Variants in MAP1LC3A observed in about 807,000 individuals in gnomAD.
MAP1LC3A encodes microtubule-associated protein 1 light chain 3 alpha.
A neutral mutation model predicts 15.2 loss-of-function variants in MAP1LC3A; 10 were observed. The observed-to-expected ratio is 0.66, with a 90% CI of 0.41 to 1.12. The LOEUF is 1.12. MAP1LC3A is among the 50% of genes most tolerant of loss of function. The pLI is 0.00. For missense variants in MAP1LC3A, 138 were observed against 167.3 expected, an observed-to-expected ratio of 0.82 and a Z score of 0.97; for synonymous variants, 63 against 64.3, an observed-to-expected ratio of 0.98 and a Z score of 0.10.
rs117582166 is a variant in MAP1LC3A, at chr20:34,552,208, C to T, written c.52+2179C>T. ...AGACGGGGTTTCGCCAGGTTGGCCA[C>T]GCTGGTCTCAAATTCCTGACCTCAG... On this transcript the variant is annotated intron_variant, in intron 2 of 4. Transcript: ENST00000374837. 7.9e-5 allele frequency among the ~76,000 whole-genome samples: 12 copies of T among 152,262 alleles called. No individual in the cohort carries two copies. In the East Asian group the frequency reaches 2.1e-3, roughly 27 times the overall value.
chr20:34,559,224 G>A lies in MAP1LC3A; in HGVS notation c.57G>A (p.Glu19=), dbSNP rs773747376. 3 of 1,604,170 alleles carry A rather than the reference G, an allele frequency of 1.9e-6. No homozygotes were observed. The South Asian group carries it at 3.3e-5, about 18-fold the overall frequency. Residue 19 remains glutamate (E), a synonymous_variant, in exon 2 of 4, where the codon GAG becomes GAA. Transcript: ENST00000360668. Reference sequence around the variant, plus strand: ...TGTCCGCAGCCGACCGCTGTAAGGAGGTACAGCAGATCCGCGACCAGCACC... The same window carrying A: ...TGTCCGCAGCCGACCGCTGTAAGGAAGTACAGCAGATCCGCGACCAGCACC... ...QRRSFADRCK[E]VQQIRDQHPS...
chr20:34,549,079 G>A (rs1981849702), intron 1 of MAP1LC3A, among the ~76,000 whole-genome samples: 1 of 151,842 alleles, frequency 6.6e-6, no homozygotes, highest in Non-Finnish European at 1.5e-5. Context: ...AGGCTAGAGG[G>A]CAGTGGTGCA....
intron 2 of MAP1LC3A, among the ~76,000 whole-genome samples, chr20:34,552,056 TG>T (rs1018729105): frequency 4.6e-5 from 7 of 152,120 alleles, no homozygotes; most frequent in African/African-American, 1.7e-4. Context: ...TAGAGTGCAG[TG>T]TGCGATCTCG....
chr20:34,558,973 G>A lies in MAP1LC3A; in HGVS notation c.40+65G>A. ...GTGCCGGCCGACCCCGACTGCCGCA[G>A]GTGACGTCAGCCCCGTGACGTCAGG... is the stretch of plus-strand genomic sequence containing the variant. On this transcript the variant is annotated intron_variant, in intron 1 of 3. Transcript: ENST00000360668. The surrounding 1 kb of genome is among the most constrained non-coding windows in gnomAD (Gnocchi z 4.3). 5 of 1,344,018 alleles carry A rather than the reference G, an allele frequency of 3.7e-6. No homozygotes were observed. The highest frequency in any genetic ancestry group is 3.1e-5 in the East Asian group (1 of 31,928). 83.3% of individuals were successfully genotyped at this position (1,344,018 alleles called of 1,614,324 possible).
chr20:34,551,467 CTT>C (rs58191574), intron 2 of MAP1LC3A, among the ~76,000 whole-genome samples: 21 of 104,796 alleles, frequency 2.0e-4, no homozygotes, highest in Admixed American at 1.2e-3. Context: ...GAACGCTGTC[CTT>C]TTTTTTTTTT....
chr20:34,558,227 C>T, upstream of MAP1LC3A: 3 of 979,582 alleles, frequency 3.1e-6, no homozygotes, highest in Non-Finnish European at 3.6e-6. This position sits in a 1 kb window ranked among gnomAD's most constrained non-coding sequence, Gnocchi z 4.3. Flanking sequence ...ATTTCGATGG[C>T]TCTACTTTTC....
chr20:34,559,421 T>C lies in MAP1LC3A; in HGVS notation c.171T>C (p.His57=), dbSNP rs1373281018. 4 of 1,594,052 alleles carry C rather than the reference T, an allele frequency of 2.5e-6. No individual in the cohort carries two copies. The Admixed American group carries it at 6.8e-5, about 27-fold the overall frequency. The change falls in exon 3 of 4, where the codon CAT becomes CAC. Residue 57 remains histidine (H), a synonymous_variant. Coordinates refer to ENST00000360668, the MANE Select transcript of MAP1LC3A (RefSeq NM_032514.4). ...LDKTKFLVPD[H]VNMSELVKII... Reference sequence around the variant, plus strand: ...AGACCAAGTTTTTGGTCCCGGACCATGTCAACATGAGCGAGTTGGTCAAGA... The same window carrying C: ...AGACCAAGTTTTTGGTCCCGGACCACGTCAACATGAGCGAGTTGGTCAAGA...
In MAP1LC3A at chr20:34,558,811, C is replaced by A; in HGVS notation, c.-58C>A. The A allele has an allele frequency of 7.1e-7, 1 of 1,415,690 alleles. No homozygotes were observed. Among genetic ancestry groups the A allele is most frequent in the Non-Finnish European group, 9.2e-7 (1 of 1,092,038 alleles). 87.7% of individuals were successfully genotyped at this position (1,415,690 alleles called of 1,614,324 possible). ...CGCGGAGCCCCCGGAGCCCCCAAAC[C>A]GCAGACACATCCCCGCGCCCCAGAG... On this transcript the variant is annotated 5_prime_UTR_variant, in exon 1 of 4. Coordinates refer to ENST00000360668, the MANE Select transcript of MAP1LC3A (RefSeq NM_032514.4). The surrounding 1 kb of genome is among the most constrained non-coding windows in gnomAD (Gnocchi z 4.3).
upstream of MAP1LC3A, among the ~76,000 whole-genome samples, chr20:34,557,832 G>A (rs987936987): frequency 6.6e-6 from 1 of 152,184 alleles, no homozygotes; most frequent in Non-Finnish European, 1.5e-5. Context: ...GGCTGACTGA[G>A]GCAGGAGAAT....
chr20:34,554,443 G>A (rs183945871), upstream of MAP1LC3A, among the ~76,000 whole-genome samples: 7 of 133,048 alleles, frequency 5.3e-5, no homozygotes, highest in Admixed American at 8.9e-5. Context: ...GCGCGATCTC[G>A]GTTCACTGCA....
chr20:34,550,889 C>T (rs1981922671), intron 2 of MAP1LC3A, among the ~76,000 whole-genome samples: 1 of 152,160 alleles, frequency 6.6e-6, no homozygotes, highest in South Asian at 2.1e-4. Context: ...AAGCTGGAAA[C>T]AGCCCAGGCA....
Position 34,559,994 on chromosome 20 carries a change from G to A in MAP1LC3A, c.*96G>A. On this transcript the variant is annotated 3_prime_UTR_variant, in exon 4 of 4. Coordinates refer to ENST00000360668, the MANE Select transcript of MAP1LC3A (RefSeq NM_032514.4). ...TCCTGAACTGAGCTGCCTCTACCGT[G>A]GTGGGCTGGGCAGGCATGTGCCCCC... 1.5e-6 allele frequency: 2 copies of A among 1,364,992 alleles called. No homozygotes were observed. Among genetic ancestry groups the A allele is most frequent in the South Asian group, 1.4e-5 (1 of 70,672 alleles). The allele number at this position is 1,364,992 out of a possible 1,614,324, so 84.6% of individuals were successfully genotyped here. A position where few individuals can be genotyped will look rare whatever the true frequency, so the allele number is the denominator to read the frequency against.
At chr20:34,556,281 A>G (rs1034406656), upstream of MAP1LC3A, among the ~76,000 whole-genome samples, 2 of 152,240 alleles carry the variant, frequency 1.3e-5, no homozygotes, top group African/African-American at 4.8e-5. Context: ...GCCAAAGAAT[A>G]TGGTTGAAAC....
At chr20:34,549,886 C>T in intron 1 of MAP1LC3A, 5 of 1,071,852 alleles carry the variant, frequency 4.7e-6, no homozygotes, top group Non-Finnish European at 7.2e-6. Context: ...GTGCTGATTG[C>T]AGGCCCTGTT....
chr20:34,557,440 T>C (rs1982200352), upstream of MAP1LC3A, among the ~76,000 whole-genome samples: 1 of 152,052 alleles, frequency 6.6e-6, no homozygotes, highest in Non-Finnish European at 1.5e-5. Context: ...CCCTCTCAAA[T>C]TGCCCTCTCA....
In MAP1LC3A at chr20:34,558,786, C is replaced by A; in HGVS notation, c.-83C>A. ...AGCCCCGGAGCCCTTGAGCGCGAGG[C>A]GCGGAGCCCCCGGAGCCCCCAAACC... On this transcript the variant is annotated 5_prime_UTR_variant, in exon 1 of 4. Coordinates refer to ENST00000360668, the MANE Select transcript of MAP1LC3A (RefSeq NM_032514.4). This position sits in a 1 kb window ranked among gnomAD's most constrained non-coding sequence, Gnocchi z 4.3. 7.4e-7 allele frequency: 1 copy of A among 1,355,250 alleles called. No individual in the cohort carries two copies. Among genetic ancestry groups the A allele is most frequent in the Non-Finnish European group, 9.4e-7 (1 of 1,063,262 alleles). 84.0% of individuals were successfully genotyped at this position (1,355,250 alleles called of 1,614,324 possible).
intron 1 of MAP1LC3A, among the ~76,000 whole-genome samples, chr20:34,547,559 G>A (rs1287966430): frequency 1.3e-5 from 2 of 151,928 alleles, no homozygotes; most frequent in African/African-American, 4.8e-5. Context: ...AGGTGGAGGT[G>A]ATTGAATCAT....
upstream of MAP1LC3A, chr20:34,558,532 T>G (rs906743982): frequency 4.5e-6 from 5 of 1,107,484 alleles, no homozygotes; most frequent in African/African-American, 6.5e-5. This position sits in a 1 kb window ranked among gnomAD's most constrained non-coding sequence, Gnocchi z 4.3. Flanking sequence ...CGGGAGAAGC[T>G]CCCGCGCTGC....
At chr20:34,559,602 C>T (rs1600574563) in intron 3 of MAP1LC3A, 134 bp from the exon 4 acceptor site, 3 of 1,243,022 alleles carry the variant, frequency 2.4e-6, no homozygotes, top group African/African-American at 3.0e-5. Flanking sequence ...GTCGGGGCTG[C>T]AGTCGGTGTT....
Sources: gnomAD v4.1 joint callset for allele counts (sites outside exome capture counted in the v4.1 genomes callset) on GRCh38, gnomAD v4.1.1 for gene constraint, Gnocchi (gnomAD v3.1) non-coding constraint, MANE v1.5 for transcripts, NCBI Gene and HGNC (gene_info 2026-07-23, HGNC 2026-07-21) for gene names.